Variants in AP2B1 observed in about 807,000 individuals in gnomAD.
The protein encoded by AP2B1 is adaptor related protein complex 2 subunit beta 1.
AP2B1 carries 23 observed loss-of-function variants against 102.0 expected under a neutral mutation model. That is an observed-to-expected ratio of 0.23 (90% CI 0.16 to 0.32). AP2B1 has a LOEUF of 0.32. Ranked by LOEUF, AP2B1 falls within the 10% of genes least tolerant of loss-of-function variation. The pLI, the probability that AP2B1 is intolerant of heterozygous loss-of-function variation, is 1.00. For synonymous variants in AP2B1, 381 were observed against 421.2 expected, an observed-to-expected ratio of 0.90 and a Z score of 1.17; for missense variants, 541 against 1,157.4, an observed-to-expected ratio of 0.47 and a Z score of 7.73.
chr17:35,702,910 C>T (rs958495070), intron 18 of AP2B1, among the ~76,000 whole-genome samples: 1 of 152,142 alleles, frequency 6.6e-6, no homozygotes, highest in Non-Finnish European at 1.5e-5. Flanking sequence ...AAAAACACAA[C>T]ACTTATACAC....
At chr17:35,603,222 G>C (rs2073549091) in intron 3 of AP2B1, among the ~76,000 whole-genome samples, 1 of 152,010 alleles carries the variant, frequency 6.6e-6, no homozygotes, top group Non-Finnish European at 1.5e-5. Flanking sequence ...TTTTCCTTGT[G>C]GAAATACACC....
intron 9 of AP2B1, among the ~76,000 whole-genome samples, chr17:35,632,230 G>A (rs2074483108): frequency 6.6e-6 from 1 of 151,960 alleles, no homozygotes; most frequent in Non-Finnish European, 1.5e-5. Context: ...TGCCTCCTGG[G>A]TTCAAGTGAT....
intron 11 of AP2B1, among the ~76,000 whole-genome samples, chr17:35,640,870 C>T (rs1157531765): frequency 3.3e-5 from 5 of 152,160 alleles, no homozygotes; most frequent in Non-Finnish European, 7.3e-5. Context: ...CAGGGATTTT[C>T]GCTAGAGGCT....
At chr17:35,623,477 T>G (rs1282461927) in intron 5 of AP2B1, among the ~76,000 whole-genome samples, 2 of 152,118 alleles carry the variant, frequency 1.3e-5, no homozygotes, top group African/African-American at 4.8e-5. Context: ...GGTGGGAAAA[T>G]CCCTTGAACC....
At chr17:35,693,865 G>C (rs2076088097) in intron 18 of AP2B1, among the ~76,000 whole-genome samples, 1 of 152,152 alleles carries the variant, frequency 6.6e-6, no homozygotes, top group South Asian at 2.1e-4. Flanking sequence ...GTGTTCAGTG[G>C]CCTGCCCATC....
chr17:35,619,750 G>A (rs2074120754), intron 5 of AP2B1, among the ~76,000 whole-genome samples: 1 of 152,082 alleles, frequency 6.6e-6, no homozygotes, highest in Non-Finnish European at 1.5e-5. Context: ...TAATTGGGAG[G>A]CAAGATGAAT....
chr17:35,611,112 G>T (rs1417785976), intron 5 of AP2B1, among the ~76,000 whole-genome samples: 2 of 152,036 alleles, frequency 1.3e-5, no homozygotes, highest in Non-Finnish European at 2.9e-5. Flanking sequence ...AAAGTTAGTA[G>T]TATCTACTTT....
At chr17:35,685,227 GA>G in intron 18 of AP2B1, among the ~76,000 whole-genome samples, 1 of 152,120 alleles carries the variant, frequency 6.6e-6, no homozygotes, top group East Asian at 1.9e-4. Context: ...AACAAAACTT[GA>G]AAAGAGAAAA....
At chr17:35,649,893 A>T (rs2075042487) in intron 12 of AP2B1, among the ~76,000 whole-genome samples, 1 of 151,178 alleles carries the variant, frequency 6.6e-6, no homozygotes, top group Non-Finnish European at 1.5e-5. Flanking sequence ...TCCTGAGTAG[A>T]TGGGACTACA....
chr17:35,590,781 T>C (rs1484112083), intron 1 of AP2B1, among the ~76,000 whole-genome samples: 3 of 152,186 alleles, frequency 2.0e-5, no homozygotes, highest in Admixed American at 6.5e-5. Context: ...GATAGTAATA[T>C]ATTCCTTGAC....
intron 13 of AP2B1, among the ~76,000 whole-genome samples, chr17:35,653,464 A>ATTTG (rs764957681): frequency 6.6e-6 from 1 of 151,584 alleles, no homozygotes; most frequent in Non-Finnish European, 1.5e-5. Flanking sequence ...TTGTTTGTTT[A>ATTTG]TTTGTTTGTT....
At chr17:35,679,808 T>C (rs2075778686) in intron 17 of AP2B1, among the ~76,000 whole-genome samples, 1 of 152,202 alleles carries the variant, frequency 6.6e-6, no homozygotes, top group South Asian at 2.1e-4. Flanking sequence ...AAATGAGTGA[T>C]GTGAATTCTC....
At chr17:35,627,297 G>T in intron 7 of AP2B1, 88 bp from the exon 8 acceptor site, 5 of 636,920 alleles carry the variant, frequency 7.9e-6, no homozygotes, top group Non-Finnish European at 9.6e-6. Context: ...GGAGAGCAGA[G>T]AGGCACAGAT....
chr17:35,687,568 G>T (rs1753794784), intron 18 of AP2B1, among the ~76,000 whole-genome samples: 1 of 151,362 alleles, frequency 6.6e-6, no homozygotes, highest in Non-Finnish European at 1.5e-5. Flanking sequence ...TTTTTTAAGA[G>T]ATAAAATCTT....
intron 12 of AP2B1, among the ~76,000 whole-genome samples, chr17:35,648,505 ACT>A (rs774966368): frequency 6.7e-6 from 1 of 149,592 alleles, no homozygotes; most frequent in Non-Finnish European, 1.5e-5. Flanking sequence ...ACAGAACAAG[ACT>A]CTGTCTCAAA....
intron 20 of AP2B1, among the ~76,000 whole-genome samples, chr17:35,712,615 C>T (rs781937179): frequency 9.3e-5 from 14 of 150,972 alleles, no homozygotes; most frequent in African/African-American, 1.5e-4. Context: ...GGTGACAGAG[C>T]GAGACTCCGT....
intron 18 of AP2B1, among the ~76,000 whole-genome samples, chr17:35,688,723 G>T (rs1365680312): frequency 1.3e-5 from 2 of 152,126 alleles, no homozygotes; most frequent in East Asian, 3.9e-4. Context: ...CAGCACTTTG[G>T]GAGGCCAAGG....
intron 13 of AP2B1, among the ~76,000 whole-genome samples, chr17:35,655,806 GTTTAGT>G (rs1393126653): frequency 6.6e-6 from 1 of 152,182 alleles, no homozygotes; most frequent in Non-Finnish European, 1.5e-5. Flanking sequence ...ATGCTTGGTA[GTTTAGT>G]TTTAGTTTTA....
chr17:35,621,291 A>G (rs978083931), intron 5 of AP2B1: 1 of 985,100 alleles, frequency 1.0e-6, no homozygotes, highest in African/African-American at 1.7e-5. Context: ...AGTGCGACTG[A>G]TTTATTTTAA....
Sources: allele counts gnomAD v4.1 joint callset (sites outside exome capture counted in the v4.1 genomes callset), GRCh38; gene constraint gnomAD v4.1.1; transcripts MANE v1.5; gene names NCBI Gene and HGNC (gene_info 2026-07-23, HGNC 2026-07-21).